PPM1H: variants seen among roughly 807,000 people sequenced by gnomAD.
PPM1H encodes the protein protein phosphatase 1H.
PPM1H carries 27 observed loss-of-function variants against 54.9 expected under a neutral mutation model. That is an observed-to-expected ratio of 0.49 (90% CI 0.36 to 0.68). The LOEUF is 0.68. Ranked by LOEUF, PPM1H falls within the 30% of genes least tolerant of loss-of-function variation. The pLI is 0.00. For missense variants in PPM1H, 596 were observed against 667.8 expected (o/e 0.89, Z 1.19); for synonymous variants, 305 against 270.8 (o/e 1.13, Z -1.24).
intron 2 of PPM1H, among the ~76,000 whole-genome samples, chr12:62,828,183 C>T (rs1868310972): frequency 6.6e-6 from 1 of 152,176 alleles, no homozygotes; most frequent in African/African-American, 2.4e-5. Flanking sequence ...TCACTGGCCT[C>T]TTTTAACCAG....
intron 1 of PPM1H, among the ~76,000 whole-genome samples, chr12:62,924,336 A>G (rs1444056841): frequency 6.6e-6 from 1 of 152,212 alleles, no homozygotes; most frequent in African/African-American, 2.4e-5. Context: ...TTACACATAC[A>G]GGGATGGAAG....
chr12:62,878,807 A>G (rs532888695), intron 1 of PPM1H, among the ~76,000 whole-genome samples: 8 of 152,096 alleles, frequency 5.3e-5, no homozygotes, highest in Middle Eastern at 6.8e-3. Context: ...AGATGTGGTG[A>G]CACGCACCTG....
intron 2 of PPM1H, among the ~76,000 whole-genome samples, chr12:62,817,116 TAAAAAAAAAAAAAAAAAAAAGA>T (rs1240700830): frequency 4.8e-5 from 2 of 41,792 alleles, no homozygotes; most frequent in Non-Finnish European, 9.1e-5. Context: ...ACTGCATTAC[TAAAAAAAAAAAAAAAAAAAAGA>T]AAAAAAAAAA....
At chr12:62,734,510 G>A (rs933920785) in intron 5 of PPM1H, among the ~76,000 whole-genome samples, 1 of 152,052 alleles carries the variant, frequency 6.6e-6, no homozygotes. Context: ...ATACACTTAC[G>A]TGAGATCTGA....
chr12:62,803,630 T>C (rs1200456753), intron 2 of PPM1H, among the ~76,000 whole-genome samples: 3 of 152,150 alleles, frequency 2.0e-5, no homozygotes, highest in East Asian at 1.9e-4. Flanking sequence ...CTCCTTGATA[T>C]TGGTCTTGGC....
chr12:62,692,867 T>G (rs1368352594), intron 7 of PPM1H, among the ~76,000 whole-genome samples: 1 of 151,720 alleles, frequency 6.6e-6, no homozygotes, highest in Non-Finnish European at 1.5e-5. Context: ...CTTTTTGCAT[T>G]GAAATCACTG....
rs1222603207 is a variant in PPM1H, at chr12:62,844,495, T to C, written c.246-12216A>G. ...GCCACATTCCCCTCAAGGCTCAAGATAACTTAAAGTTCCAACAGCTTTAAG... is the reference window on the plus strand; with the variant it reads ...GCCACATTCCCCTCAAGGCTCAAGACAACTTAAAGTTCCAACAGCTTTAAG... On this transcript the variant is annotated intron_variant, in intron 1 of 9. Coordinates refer to ENST00000228705, the MANE Select transcript of PPM1H (RefSeq NM_020700.2). This position sits in a 1 kb window ranked among gnomAD's most constrained non-coding sequence, Gnocchi z 5.2. Among the ~76,000 whole-genome samples, 1 of 152,260 alleles carries C rather than the reference T, an allele frequency of 6.6e-6. No individual in the cohort carries two copies. Among genetic ancestry groups the C allele is most frequent in the Non-Finnish European group, 1.5e-5 (1 of 68,040 alleles).
intron 2 of PPM1H, among the ~76,000 whole-genome samples, chr12:62,826,722 A>G (rs1483883898): frequency 6.6e-6 from 1 of 152,258 alleles, no homozygotes; most frequent in East Asian, 1.9e-4. Flanking sequence ...CTAAATTTAC[A>G]GGGGACAAAA....
chr12:62,878,011 T>C lies in PPM1H; in HGVS notation c.246-45732A>G, dbSNP rs531482989. On this transcript the variant is annotated intron_variant, in intron 1 of 9. Coordinates refer to ENST00000228705, the MANE Select transcript of PPM1H (RefSeq NM_020700.2). ...CTCCAGGGTTCACACCATTCTCCTGTCTCAGCCTCCTGAGTTGCTGAGACT... is the reference window on the plus strand; with the variant it reads ...CTCCAGGGTTCACACCATTCTCCTGCCTCAGCCTCCTGAGTTGCTGAGACT... 6.6e-5 allele frequency among the ~76,000 whole-genome samples: 10 copies of C among 151,808 alleles called. No individual in the cohort carries two copies. In the South Asian group the frequency reaches 8.3e-4, roughly 13 times the overall value.
At position 62,914,736 on chromosome 12, in the gene PPM1H, A is replaced by T. The variant is rs571610652; in HGVS notation, c.245+19756T>A. On this transcript the variant is annotated intron_variant, in intron 1 of 9. Coordinates refer to ENST00000228705, the MANE Select transcript of PPM1H (RefSeq NM_020700.2). ...TAGAAGTGACACTTCATTTATGCTC[A>T]AATATACTGGCCAGAACGAGTCACA... Among the ~76,000 whole-genome samples the T allele has an allele frequency of 2.6e-5, 4 of 152,324 alleles. No individual in the cohort carries two copies. The East Asian group carries it at 7.7e-4, about 29-fold the overall frequency.
In PPM1H at chr12:62,801,804, A is replaced by G. The variant is rs775846619; in HGVS notation, c.756+12T>C. The G allele has an allele frequency of 6.2e-7, 1 of 1,613,300 alleles. No individual in the cohort carries two copies. Among genetic ancestry groups the G allele is most frequent in the Non-Finnish European group, 8.5e-7 (1 of 1,179,372 alleles). On this transcript the variant is annotated intron_variant, in intron 3 of 9. Coordinates refer to ENST00000228705, the MANE Select transcript of PPM1H (RefSeq NM_020700.2). ...CCTGGCCCTGCTGCCCCAGACTCCCAGGAATACCTACCATTTCCTTGAATG... is the reference window on the plus strand; with the variant it reads ...CCTGGCCCTGCTGCCCCAGACTCCCGGGAATACCTACCATTTCCTTGAATG...
intron 4 of PPM1H, chr12:62,756,325 C>T (rs772879116): frequency 4.9e-5 from 25 of 509,894 alleles, no homozygotes; most frequent in Non-Finnish European, 8.4e-5. Context: ...TCCCCCACAA[C>T]ACTGAGAATC....
At chr12:62,849,677 T>A (rs1869106690) in intron 1 of PPM1H, among the ~76,000 whole-genome samples, 1 of 152,168 alleles carries the variant, frequency 6.6e-6, no homozygotes, top group Non-Finnish European at 1.5e-5. Flanking sequence ...GTAAGGACTA[T>A]AAAATTCAAA....
At position 62,825,050 on chromosome 12, in the gene PPM1H, G is replaced by A. The variant is rs547619977; in HGVS notation, c.411+7064C>T. On this transcript the variant is annotated intron_variant, in intron 2 of 9. Transcript: ENST00000228705. ...ATCTACAAAGAAACAAATTTACAAG[G>A]AAAAAAAAAATCAAAAAGTGGGCAA... Among the ~76,000 whole-genome samples the A allele has an allele frequency of 2.5e-4, 36 of 144,840 alleles. No individual in the cohort carries two copies. In the South Asian group the frequency reaches 2.9e-3, roughly 11 times the overall value.
chr12:62,820,480 G>A (rs1188395853), intron 2 of PPM1H, among the ~76,000 whole-genome samples: 1 of 152,216 alleles, frequency 6.6e-6, no homozygotes, highest in African/African-American at 2.4e-5. Flanking sequence ...CTAACTGGGA[G>A]GCACCTCCCA....
chr12:62,871,041 G>C (rs754259667), intron 1 of PPM1H, among the ~76,000 whole-genome samples: 1 of 152,294 alleles, frequency 6.6e-6, no homozygotes, highest in East Asian at 1.9e-4. Flanking sequence ...ATAAGATCTA[G>C]CAATTCCACT....
chr12:62,791,675 C>G (rs974489663), intron 3 of PPM1H, among the ~76,000 whole-genome samples: 1 of 152,172 alleles, frequency 6.6e-6, no homozygotes, highest in Non-Finnish European at 1.5e-5. Flanking sequence ...AATCCCAGCC[C>G]TTTGGGAGGC....
intron 6 of PPM1H, among the ~76,000 whole-genome samples, chr12:62,714,079 C>T (rs1181318599): frequency 6.6e-6 from 1 of 152,198 alleles, no homozygotes; most frequent in Non-Finnish European, 1.5e-5. Flanking sequence ...CGCTCTTCTA[C>T]TATGTAGACC....
intron 4 of PPM1H, among the ~76,000 whole-genome samples, chr12:62,742,394 T>C (rs1396712048): frequency 6.6e-6 from 1 of 152,196 alleles, no homozygotes; most frequent in Non-Finnish European, 1.5e-5. Flanking sequence ...CCTTTTGATC[T>C]TTCTCTCTTT....
Sources: gnomAD v4.1 joint callset for allele counts (sites outside exome capture counted in the v4.1 genomes callset) on GRCh38, gnomAD v4.1.1 for gene constraint, Gnocchi (gnomAD v3.1) non-coding constraint, MANE v1.5 for transcripts, NCBI Gene and HGNC (gene_info 2026-07-23, HGNC 2026-07-21) for gene names.